COX15: variants seen among roughly 807,000 people sequenced by gnomAD.
COX15 encodes heme A synthase COX15.
COX15 carries 51 observed loss-of-function variants against 51.9 expected under a neutral mutation model. The ratio of observed to expected loss-of-function variants is 0.98; its 90% CI spans 0.78 to 1.24. COX15 has a LOEUF of 1.24. Among genes scored for constraint, COX15 ranks in the 50% most tolerant of loss-of-function variants. The pLI is 0.00. For synonymous variants in COX15, 188 were observed against 190.5 expected (o/e 0.99, Z 0.11); for missense variants, 420 against 501.1 (o/e 0.84, Z 1.55).
chr10:99,696,284 G>A, the COX15 span, among the ~76,000 whole-genome samples: 2 of 152,280 alleles, frequency 1.3e-5, no homozygotes, highest in East Asian at 3.9e-4. Flanking sequence ...TCTATTAGCA[G>A]TCCCACTCTG....
intron 3 of COX15, 135 bp downstream of exon 3, chr10:99,727,306 G>A (rs2036992464): frequency 1.4e-6 from 2 of 1,466,616 alleles, no homozygotes; most frequent in Non-Finnish European, 1.9e-6. Flanking sequence ...CTTTGGATTT[G>A]GGGGCTTAGA....
chr10:99,724,070 G>A lies in COX15; in HGVS notation c.636C>T (p.Ser212=). ...ACTGACTGACCCGAGGGATGTCATGGGAGTCTGATTTTTCTTCTAGTCCAC... is the reference window on the plus strand; with the variant it reads ...ACTGACTGACCCGAGGGATGTCATGAGAGTCTGATTTTTCTTCTAGTCCAC... ...VKSGLEEKSD[S]HDIPRVSQYR... is the part of the protein sequence containing the mutation. Residue 212 remains serine (S), a synonymous_variant, in exon 5 of 9, where the codon TCC becomes TCT. Coordinates refer to ENST00000016171, the MANE Select transcript of COX15 (RefSeq NM_078470.6). 1 of 1,614,018 alleles carries A rather than the reference G, an allele frequency of 6.2e-7. No individual in the cohort carries two copies. Among genetic ancestry groups the A allele is most frequent in the Admixed American group, 1.7e-5 (1 of 60,004 alleles).
chr10:99,727,360 A>G (rs1245755288), intron 3 of COX15, 81 bp downstream of exon 3: 4 of 1,579,800 alleles, frequency 2.5e-6, no homozygotes, highest in Non-Finnish European at 2.6e-6. Flanking sequence ...TCATGAAATA[A>G]TCTAACCATT....
Position 99,712,393 on chromosome 10 carries a change from T to C in COX15, c.*2194A>G. 1.3e-5 allele frequency: 13 copies of C among 985,438 alleles called. No individual in the cohort carries two copies. The highest frequency in any genetic ancestry group is 1.6e-5 in the Non-Finnish European group (13 of 829,934). 61.0% of individuals were successfully genotyped at this position (985,438 alleles called of 1,614,324 possible). A position where few individuals can be genotyped will look rare whatever the true frequency, so the allele number is the denominator to read the frequency against. ...CTTGAAATTAGTTCCCAACACTTAATTGAGAGCTTTCACAGAAAAATCTAG... is the reference window on the plus strand; with the variant it reads ...CTTGAAATTAGTTCCCAACACTTAACTGAGAGCTTTCACAGAAAAATCTAG... On this transcript the variant is annotated 3_prime_UTR_variant, in exon 9 of 9. Coordinates refer to ENST00000016171, the MANE Select transcript of COX15 (RefSeq NM_078470.6).
downstream of COX15, chr10:99,708,640 GCCT>G (rs749478724): frequency 1.5e-5 from 3 of 194,286 alleles, no homozygotes; most frequent in Non-Finnish European, 2.8e-5. Context: ...GCCCAAAAGA[GCCT>G]CCTATTTTAT....
At chr10:99,698,412 G>A in the COX15 span, 12 of 960,226 alleles carry the variant, frequency 1.2e-5, no homozygotes, top group Admixed American at 5.8e-5. Context: ...CTCCATCCTC[G>A]TTTCTAGAGA....
intron 5 of COX15, among the ~76,000 whole-genome samples, chr10:99,722,690 C>T (rs1443016788): frequency 2.0e-5 from 3 of 151,768 alleles, no homozygotes; most frequent in Non-Finnish European, 2.9e-5. Flanking sequence ...GAAAATTAGC[C>T]GAGCATGGTG....
intron 1 of COX15, among the ~76,000 whole-genome samples, chr10:99,730,157 T>A (rs2037090919): frequency 6.6e-6 from 1 of 152,174 alleles, no homozygotes; most frequent in Non-Finnish European, 1.5e-5. Flanking sequence ...AATAGGTCAC[T>A]CCCACAGCAC....
the COX15 span, among the ~76,000 whole-genome samples, chr10:99,699,750 G>C: frequency 1.3e-5 from 2 of 152,060 alleles, no homozygotes; most frequent in African/African-American, 4.8e-5. Context: ...ATTTTTAATA[G>C]AGATGGGGTT....
At chr10:99,698,497 G>A in the COX15 span, 40 of 1,563,358 alleles carry the variant, frequency 2.6e-5, no homozygotes, top group Middle Eastern at 3.4e-4. Flanking sequence ...CAGGCATGAC[G>A]TGTTTGTTTG....
chr10:99,713,448 ATTT>A lies in COX15; in HGVS notation c.*1136_*1138del. On this transcript the variant is annotated 3_prime_UTR_variant, in exon 9 of 9. Transcript: ENST00000016171. ...TCTGATGCCTTCATCCAAATCACTGATTTTAAAAGTAAAGTTGAATAAGACAGG... is the reference window on the plus strand; with the variant it reads ...TCTGATGCCTTCATCCAAATCACTGATAAAAGTAAAGTTGAATAAGACAGG... 6.2e-7 allele frequency: 1 copy of A among 1,613,904 alleles called. No homozygotes were observed. Among genetic ancestry groups the A allele is most frequent in the South Asian group, 1.1e-5 (1 of 91,080 alleles).
chr10:99,704,327 G>T, the COX15 span: 2 of 909,134 alleles, frequency 2.2e-6, no homozygotes, highest in Non-Finnish European at 3.4e-6. Flanking sequence ...TGTGGAGCTG[G>T]TGTCATAAAA....
Position 99,713,518 on chromosome 10 carries a change from A to G in COX15, c.*1069T>C. ...ATAGAGACCAAAATCACATTAATTC[A>G]GCAGTCAACAATTTGTTTATCTGGG... On this transcript the variant is annotated 3_prime_UTR_variant, in exon 9 of 9. Transcript: ENST00000016171. 6.3e-7 allele frequency: 1 copy of G among 1,591,194 alleles called. No individual in the cohort carries two copies. The highest frequency in any genetic ancestry group is 8.6e-7 in the Non-Finnish European group (1 of 1,167,582).
the COX15 span, among the ~76,000 whole-genome samples, chr10:99,694,830 C>G: frequency 0.013 from 1,967 of 152,262 alleles, 39 homozygotes; most frequent in Admixed American, 0.052. Context: ...AGCCACCATG[C>G]CCACCCCAGT....
At chr10:99,708,765 T>C (rs1392422807), downstream of COX15, 2 of 933,974 alleles carry the variant, frequency 2.1e-6, no homozygotes, top group Non-Finnish European at 2.6e-6. Context: ...ATATGGGTGA[T>C]AAAACTGAGG....
chr10:99,696,850 T>C, the COX15 span, among the ~76,000 whole-genome samples: 69 of 152,160 alleles, frequency 4.5e-4, no homozygotes, highest in Non-Finnish European at 9.3e-4. Context: ...AGTAATTGGG[T>C]GATTGATTGT....
chr10:99,695,007 G>A, the COX15 span, among the ~76,000 whole-genome samples: 4 of 152,146 alleles, frequency 2.6e-5, no homozygotes, highest in Admixed American at 6.5e-5. Context: ...GCAGAGAATG[G>A]AATGAGATTA....
At chr10:99,700,414 A>ATG in the COX15 span, among the ~76,000 whole-genome samples, 423 of 9,810 alleles carry the variant, frequency 0.043, 1 homozygote, top group Middle Eastern at 0.19. Flanking sequence ...GTGTGTGTGT[A>ATG]TGTGTGTGTG....
At position 99,711,385 on chromosome 10, in the gene COX15, G is replaced by A. The variant is rs1397868991; in HGVS notation, c.*3202C>T. 1 of 985,256 alleles carries A rather than the reference G, an allele frequency of 1.0e-6. No individual in the cohort carries two copies. The highest frequency in any genetic ancestry group is 1.2e-6 in the Non-Finnish European group (1 of 829,922). 61.0% of individuals were successfully genotyped at this position (985,256 alleles called of 1,614,324 possible). On this transcript the variant is annotated 3_prime_UTR_variant, in exon 9 of 9. Transcript: ENST00000016171. ...TGAGGATCAGGAGAGGATGGTGTGG[G>A]AACCTGCCTCAGGAACTACAGTTCC... is the stretch of plus-strand genomic sequence containing the variant.
Sources: gnomAD v4.1 joint callset for allele counts (sites outside exome capture counted in the v4.1 genomes callset) on GRCh38, gnomAD v4.1.1 for gene constraint, MANE v1.5 for transcripts, NCBI Gene and HGNC (gene_info 2026-07-23, HGNC 2026-07-21) for gene names.